DENND1A: variants seen among roughly 807,000 people sequenced by gnomAD.
DENND1A encodes the protein DENN domain containing 1A, also known as DENN domain-containing protein 1A.
DENND1A carries 51 observed loss-of-function variants against 113.7 expected under a neutral mutation model. That is an observed-to-expected ratio of 0.45 (90% CI 0.36 to 0.57). The LOEUF (loss-of-function observed/expected upper bound fraction) is 0.57. Ranked by LOEUF, DENND1A falls within the 20% of genes least tolerant of loss-of-function variation. DENND1A has a pLI of 0.00. For synonymous variants in DENND1A, 565 were observed against 570.8 expected, an observed-to-expected ratio of 0.99 and a Z score of 0.14; for missense variants, 1,258 against 1,395.9, an observed-to-expected ratio of 0.90 and a Z score of 1.57.
chr9:123,904,107 G>A (rs1382255381), intron 1 of DENND1A, among the ~76,000 whole-genome samples: 1 of 152,026 alleles, frequency 6.6e-6, no homozygotes, highest in Admixed American at 6.6e-5. Flanking sequence ...CCCCAGCAGG[G>A]GCACACTGAC....
chr9:123,438,519 C>T (rs576621154), intron 19 of DENND1A, among the ~76,000 whole-genome samples: 2 of 152,228 alleles, frequency 1.3e-5, no homozygotes, highest in South Asian at 4.2e-4. Context: ...GTAGGCTCTG[C>T]GGCTGCAGCT....
intron 11 of DENND1A, among the ~76,000 whole-genome samples, chr9:123,591,652 T>A (rs1184265844): frequency 6.6e-6 from 1 of 152,174 alleles, no homozygotes; most frequent in African/African-American, 2.4e-5. Flanking sequence ...GTCTCCAGTG[T>A]CCAGCACAGT....
intron 13 of DENND1A, among the ~76,000 whole-genome samples, chr9:123,523,452 G>T (rs1420532248): frequency 6.6e-6 from 1 of 152,204 alleles, no homozygotes; most frequent in Non-Finnish European, 1.5e-5. Flanking sequence ...CAGAGTTAGA[G>T]ATCTGAACTC....
At chr9:123,414,343 C>T (rs943494691) in intron 19 of DENND1A, 2 of 1,414,716 alleles carry the variant, frequency 1.4e-6, no homozygotes, top group East Asian at 5.1e-5. Flanking sequence ...TCCCTGCCTC[C>T]AGCCTCTCCC....
chr9:123,429,558 AAAAC>A (rs1249864230), intron 19 of DENND1A, among the ~76,000 whole-genome samples: 1 of 152,162 alleles, frequency 6.6e-6, no homozygotes, highest in African/African-American at 2.4e-5. Flanking sequence ...CTGTCTCAAA[AAAAC>A]AAACAAACAA....
chr9:123,762,752 A>G (rs538757392), intron 4 of DENND1A, among the ~76,000 whole-genome samples: 1 of 152,242 alleles, frequency 6.6e-6, no homozygotes, highest in Non-Finnish European at 1.5e-5. Context: ...GAAGAAACGA[A>G]GATAGAGGAA....
rs542409720 is a variant in DENND1A at position 123,600,856 on chromosome 9, A to C, written c.765+8580T>G. On this transcript the variant is annotated intron_variant, in intron 11 of 23. Transcript: ENST00000394215. ...AAAAAAAAAAAAGGTGCTTGTTTAA[A>C]GTGATCTAGTAGTGGTGAAACTAGA... Among the ~76,000 whole-genome samples, 11 of 152,030 alleles carry C rather than the reference A, an allele frequency of 7.2e-5. No homozygotes were observed. In the East Asian group the frequency reaches 1.9e-3, roughly 27 times the overall value.
intron 19 of DENND1A, among the ~76,000 whole-genome samples, chr9:123,439,231 T>G (rs1323057608): frequency 6.6e-6 from 1 of 152,270 alleles, no homozygotes; most frequent in Non-Finnish European, 1.5e-5. Context: ...TTCTTCTTTC[T>G]TGCGTTTCAA....
At chr9:123,545,103 G>GA (rs34469127) in intron 13 of DENND1A, among the ~76,000 whole-genome samples, 34,217 of 144,228 alleles carry the variant, frequency 0.24, 4,216 homozygotes, top group African/African-American at 0.31. Context: ...GTCTCAAAAA[G>GA]AAAAAAAAAA....
chr9:123,926,794 G>A (rs1368660312), intron 1 of DENND1A, among the ~76,000 whole-genome samples: 2 of 152,012 alleles, frequency 1.3e-5, no homozygotes, highest in Non-Finnish European at 2.9e-5. Flanking sequence ...GCCAGGCATT[G>A]AGTCTGACAC....
At chr9:123,470,382 C>CTCACGCCAGGGGTTGCCTCAT (rs1221326466) in intron 13 of DENND1A, among the ~76,000 whole-genome samples, 1 of 152,030 alleles carries the variant, frequency 6.6e-6, no homozygotes, top group Non-Finnish European at 1.5e-5. Context: ...GGTTGCCTCA[C>CTCACGCCAGGGGTTGCCTCAT]TCTCACCAGG....
chr9:123,415,403 G>A (rs886072082), intron 19 of DENND1A, among the ~76,000 whole-genome samples: 52 of 152,180 alleles, frequency 3.4e-4, no homozygotes, highest in African/African-American at 1.2e-3. Context: ...GAACTCCCAG[G>A]GGGTGCGCAT....
At chr9:123,551,584 G>A (rs1003106995) in intron 13 of DENND1A, among the ~76,000 whole-genome samples, 5 of 152,194 alleles carry the variant, frequency 3.3e-5, no homozygotes, top group African/African-American at 4.8e-5. Context: ...GGCTAGTGAG[G>A]GGCTGGGATG....
intron 4 of DENND1A, among the ~76,000 whole-genome samples, chr9:123,762,331 T>G (rs890078139): frequency 6.6e-6 from 1 of 152,184 alleles, no homozygotes; most frequent in African/African-American, 2.4e-5. Flanking sequence ...TAGGTGAATA[T>G]GAAAAACAAG....
At chr9:123,510,314 A>G (rs2053348725) in intron 13 of DENND1A, among the ~76,000 whole-genome samples, 1 of 152,234 alleles carries the variant, frequency 6.6e-6, no homozygotes, top group South Asian at 2.1e-4. Context: ...ATCTTTATAC[A>G]TGTTATGCGG....
intron 22 of DENND1A, among the ~76,000 whole-genome samples, chr9:123,386,384 T>TTTC (rs2042564371): frequency 6.7e-6 from 1 of 148,238 alleles, no homozygotes; most frequent in African/African-American, 2.5e-5. Context: ...TTTCTTTCTT[T>TTTC]TTTTTTTTTT....
chr9:123,684,498 A>G (rs975278400), intron 5 of DENND1A, among the ~76,000 whole-genome samples: 1 of 152,186 alleles, frequency 6.6e-6, no homozygotes, highest in African/African-American at 2.4e-5. Context: ...TATTATACTC[A>G]GCCAGCAAGC....
chr9:123,595,238 C>A (rs1460109360), intron 11 of DENND1A, among the ~76,000 whole-genome samples: 1 of 152,186 alleles, frequency 6.6e-6, no homozygotes, highest in Admixed American at 6.5e-5. Context: ...AAATCCACCC[C>A]TCACAAGGTA....
In DENND1A at chr9:123,383,812, G is replaced by T; in HGVS notation, c.1862C>A (p.Ala621Asp). The T allele has an allele frequency of 1.2e-6, 2 of 1,614,026 alleles. No individual in the cohort carries two copies. The part of the protein sequence containing the change: ...QVRKSTGPVP[A>D]PPDRAASIDL... The stretch of plus-strand genomic sequence containing the variant: ...GATGCTGGCAGCCCGGTCAGGGGGA[G>T]CTGGGACAGGGCCTGTGGACTTCCG... Residue 621 changes from alanine (A) to aspartate (D), a missense_variant, in exon 23 of 24, where the codon GCT becomes GAT. This residue lies in a region of DENND1A where 1,159 missense variants were observed against 1,231.7 expected (regional missense o/e 0.94). Transcript: ENST00000394215.
Sources: allele counts gnomAD v4.1 joint callset (sites outside exome capture counted in the v4.1 genomes callset), GRCh38; gene constraint gnomAD v4.1.1; regional missense constraint gnomAD v4.1.1; transcripts MANE v1.5; gene names NCBI Gene and HGNC (gene_info 2026-07-23, HGNC 2026-07-21).